HDAC4: variants seen among roughly 807,000 people sequenced by gnomAD.
The protein encoded by HDAC4 is histone deacetylase A.
Under a neutral mutation model 135.1 loss-of-function variants are expected in HDAC4, and 16 were observed. The observed-to-expected ratio is 0.12, with a 90% CI of 0.08 to 0.18. The LOEUF is 0.18. Ranked by LOEUF, HDAC4 falls within the 10% of genes least tolerant of loss-of-function variation. HDAC4 has a pLI of 1.00. For synonymous variants in HDAC4, 685 were observed against 653.4 expected (o/e 1.05, Z -0.74); for missense variants, 1,143 against 1,511.8 (o/e 0.76, Z 4.05).
intron 2 of HDAC4, among the ~76,000 whole-genome samples, chr2:239,346,900 C>A (rs1280519692): frequency 5.3e-4 from 74 of 138,888 alleles, no homozygotes; most frequent in African/African-American, 1.8e-3. Flanking sequence ...CACCCTGTCT[C>A]TCACACACAC....
At chr2:239,185,360 T>C (rs1359714864) in intron 4 of HDAC4, among the ~76,000 whole-genome samples, 1 of 150,616 alleles carries the variant, frequency 6.6e-6, no homozygotes, top group South Asian at 2.1e-4. Context: ...CCGTGTCTCG[T>C]GGGGAGACAT....
At chr2:239,372,993 C>T (rs1033247428) in intron 1 of HDAC4, among the ~76,000 whole-genome samples, 4 of 152,188 alleles carry the variant, frequency 2.6e-5, no homozygotes, top group Non-Finnish European at 5.9e-5. Flanking sequence ...AAGCATTCTC[C>T]CACTCATGGG....
At chr2:239,209,025 C>T (rs1282235514) in intron 3 of HDAC4, among the ~76,000 whole-genome samples, 2 of 152,282 alleles carry the variant, frequency 1.3e-5, no homozygotes, top group African/African-American at 2.4e-5. Flanking sequence ...TACAGAGGCG[C>T]GCCATCACGC....
chr2:239,120,237 G>A (rs1162823228), intron 12 of HDAC4, among the ~76,000 whole-genome samples: 1 of 152,172 alleles, frequency 6.6e-6, no homozygotes, highest in East Asian at 1.9e-4. Context: ...AGTCAAAGCT[G>A]GGAGCACAGA....
rs1218653846 is a variant in HDAC4 at position 239,352,455 on chromosome 2, C to G, written c.22+223G>C. 6.6e-6 allele frequency among the ~76,000 whole-genome samples: 1 copy of G among 152,198 alleles called. No homozygotes were observed. The highest frequency in any genetic ancestry group is 1.5e-5 in the Non-Finnish European group (1 of 68,046). ...CTCAAGTCAGCCTGCAAACCGGGGT[C>G]GCAGACTTGACTCCACATCCTCCCA... On this transcript the variant is annotated intron_variant, in intron 2 of 26. Coordinates refer to ENST00000543185, the MANE Select transcript of HDAC4 (RefSeq NM_001378414.1). The surrounding 1 kb of genome is among the most constrained non-coding windows in gnomAD (Gnocchi z 4.4).
Position 239,205,578 on chromosome 2 carries a change from C to T in HDAC4, c.95-15501G>A, listed in dbSNP as rs555539687. Among the ~76,000 whole-genome samples the T allele has an allele frequency of 7.3e-5, 11 of 151,368 alleles. No homozygotes were observed. In the South Asian group the frequency reaches 2.3e-3, roughly 32 times the overall value. ...GGAGGATCAACAACATGGAGGTGGGCAGAGAAAGGGGGAGGGAAGAAAAGG... is the reference window on the plus strand; with the variant it reads ...GGAGGATCAACAACATGGAGGTGGGTAGAGAAAGGGGGAGGGAAGAAAAGG... On this transcript the variant is annotated intron_variant, in intron 3 of 26. Transcript: ENST00000543185.
intron 5 of HDAC4, among the ~76,000 whole-genome samples, chr2:239,170,792 G>A (rs761558952): frequency 2.0e-5 from 3 of 152,172 alleles, no homozygotes; most frequent in Non-Finnish European, 4.4e-5. Flanking sequence ...CCCCACCCTC[G>A]GGTAGCCTGT....
At chr2:239,099,777 C>T (rs1025642288) in intron 16 of HDAC4, among the ~76,000 whole-genome samples, 1 of 152,224 alleles carries the variant, frequency 6.6e-6, no homozygotes, top group African/African-American at 2.4e-5. Flanking sequence ...ATCAGCTTCT[C>T]CCTGCAGGGC....
chr2:239,383,984 G>A (rs1000690444), intron 1 of HDAC4, among the ~76,000 whole-genome samples: 5 of 152,230 alleles, frequency 3.3e-5, no homozygotes, highest in Admixed American at 6.5e-5. Flanking sequence ...GGCACCGTGC[G>A]AGAGGCCTAC....
intron 11 of HDAC4, among the ~76,000 whole-genome samples, chr2:239,127,188 G>A (rs942151842): frequency 1.3e-5 from 2 of 152,190 alleles, no homozygotes; most frequent in Non-Finnish European, 2.9e-5. Context: ...GGTTGACATC[G>A]TTTTAAGGTC....
intron 2 of HDAC4, among the ~76,000 whole-genome samples, chr2:239,314,953 T>G (rs6719970): frequency 6.6e-6 from 1 of 152,156 alleles, no homozygotes; most frequent in Non-Finnish European, 1.5e-5. Context: ...CCTTTTGGAA[T>G]TGCTGATAGA....
chr2:239,056,005 G>A (rs2031782460), intron 24 of HDAC4, among the ~76,000 whole-genome samples: 1 of 152,164 alleles, frequency 6.6e-6, no homozygotes. Flanking sequence ...TTTTAACTCT[G>A]GCTTCTGGGT....
At chr2:239,298,325 G>T (rs538859189) in intron 2 of HDAC4, 1 of 1,227,724 alleles carries the variant, frequency 8.1e-7, no homozygotes, top group East Asian at 5.7e-5. Flanking sequence ...TGGGCATCAC[G>T]TGGAGATGAG....
Position 239,081,164 on chromosome 2 carries a change from T to C in HDAC4, c.2681A>G (p.Asn894Ser), listed in dbSNP as rs2035282392. ...GCCGCCGGTGAAAGCCATGTTGACG[T>C]TGAAACCCACGCCGGGCCCTGTGCC... ...EVGTGPGVGF[N>S]VNMAFTGGLD... The change falls in exon 22 of 27, where the codon AAC becomes AGC. Residue 894 changes from asparagine to serine, a missense_variant. Coordinates refer to ENST00000543185, the MANE Select transcript of HDAC4 (RefSeq NM_001378414.1). The C allele has an allele frequency of 1.9e-6, 3 of 1,613,868 alleles. No individual in the cohort carries two copies. Among genetic ancestry groups the C allele is most frequent in the South Asian group, 2.2e-5 (2 of 91,034 alleles).
At chr2:239,371,981 A>G (rs1694655188) in intron 1 of HDAC4, among the ~76,000 whole-genome samples, 1 of 152,240 alleles carries the variant, frequency 6.6e-6, no homozygotes, top group Admixed American at 6.5e-5. Flanking sequence ...GGACGGGAGC[A>G]GCTGCACCCG....
At chr2:239,351,916 A>G (rs1317745080) in intron 2 of HDAC4, 1 of 152,508 alleles carries the variant, frequency 6.6e-6, no homozygotes, top group African/African-American at 2.4e-5. Context: ...GAAGCTGGGC[A>G]GCACAGGACT....
chr2:239,352,895 G>A lies in HDAC4; in HGVS notation c.-196C>T, dbSNP rs1045737001. On this transcript the variant is annotated 5_prime_UTR_variant, in exon 2 of 27. It adds an upstream start codon to the 5' untranslated region. Transcript: ENST00000543185. This position sits in a 1 kb window ranked among gnomAD's most constrained non-coding sequence, Gnocchi z 4.4. ...GGTAACCCACAAGTTGAACAGAGGC[G>A]TCCGCTGGCTTCTGCAGATGAACCT... The A allele has an allele frequency of 1.6e-5, 10 of 627,230 alleles. No individual in the cohort carries two copies. The highest frequency in any genetic ancestry group is 1.8e-5 in the African/African-American group (1 of 54,852). 38.9% of individuals were successfully genotyped at this position (627,230 alleles called of 1,614,324 possible). A position where few individuals can be genotyped will look rare whatever the true frequency, so the allele number is the denominator to read the frequency against.
intron 1 of HDAC4, among the ~76,000 whole-genome samples, chr2:239,398,039 G>T (rs977502538): frequency 6.6e-6 from 1 of 151,480 alleles, no homozygotes; most frequent in African/African-American, 2.4e-5. Flanking sequence ...CCAAGCTTAG[G>T]TGGAGACTGG....
intron 24 of HDAC4, among the ~76,000 whole-genome samples, chr2:239,065,556 C>T (rs1431836579): frequency 6.6e-6 from 1 of 152,164 alleles, no homozygotes; most frequent in East Asian, 1.9e-4. Flanking sequence ...CGCTGAGCAC[C>T]AGGACACCCC....
Sources: gnomAD v4.1 joint callset for allele counts (sites outside exome capture counted in the v4.1 genomes callset) on GRCh38, gnomAD v4.1.1 for gene constraint, Gnocchi (gnomAD v3.1) non-coding constraint, MANE v1.5 for transcripts, NCBI Gene and HGNC (gene_info 2026-07-23, HGNC 2026-07-21) for gene names.